ZNF738: variants seen among roughly 807,000 people sequenced by gnomAD.
ZNF738 encodes the protein zinc finger protein 738.
Under a neutral mutation model 9.2 loss-of-function variants are expected in ZNF738, and 10 were observed. That is an observed-to-expected ratio of 1.09 (90% CI 0.67 to 1.85). ZNF738 has a LOEUF of 1.85. ZNF738 is among the 40% of genes most tolerant of loss of function. ZNF738 has a pLI of 0.00. For missense variants in ZNF738, 346 were observed against 283.6 expected (o/e 1.22, Z -1.58); for synonymous variants, 113 against 94.5 (o/e 1.20, Z -1.14).
At chr19:21,362,194 A>G (rs1455069052) in intron 2 of ZNF738, among the ~76,000 whole-genome samples, 4 of 152,072 alleles carry the variant, frequency 2.6e-5, no homozygotes, top group Non-Finnish European at 4.4e-5. Flanking sequence ...TTGTCAGCCA[A>G]TCAGATGCTG....
chr19:21,377,518 A>G (rs1973945635), intron 4 of ZNF738: 1 of 569,794 alleles, frequency 1.8e-6, no homozygotes, highest in Non-Finnish European at 3.1e-6. Context: ...ACGTGCACAC[A>G]CACACACACA....
intron 2 of ZNF738, among the ~76,000 whole-genome samples, chr19:21,362,812 A>G (rs1973718185): frequency 6.6e-6 from 1 of 152,194 alleles, no homozygotes; most frequent in African/African-American, 2.4e-5. Flanking sequence ...GGGTGATTTC[A>G]AACAGAATTT....
At chr19:21,368,732 A>G (rs1427518562) in intron 2 of ZNF738, among the ~76,000 whole-genome samples, 2 of 152,038 alleles carry the variant, frequency 1.3e-5, no homozygotes, top group African/African-American at 4.8e-5. Context: ...CTGGGATTAC[A>G]GACAGAAGCC....
chr19:21,365,622 A>G (rs1568366859), intron 2 of ZNF738, among the ~76,000 whole-genome samples: 1 of 152,042 alleles, frequency 6.6e-6, no homozygotes, highest in Non-Finnish European at 1.5e-5. Flanking sequence ...GTTGAGTTTC[A>G]AAAAAGGGGT....
In ZNF738 at chr19:21,383,346, A is replaced by T; in HGVS notation, c.800A>T (p.Lys267Ile). 1 of 1,310,882 alleles carries T rather than the reference A, an allele frequency of 7.6e-7. No individual in the cohort carries two copies. Among genetic ancestry groups the T allele is most frequent in the South Asian group, 1.3e-5 (1 of 79,084 alleles). 81.2% of individuals were successfully genotyped at this position (1,310,882 alleles called of 1,614,324 possible). Residue 267 changes from lysine (K) to isoleucine (I), a missense_variant, in exon 5 of 5, where the codon AAA becomes ATA. Physicochemically the swap from Lys to Ile is moderately radical, Grantham distance 102. Transcript: ENST00000683779. ...DKSYKHEECG[K>I]GFNHSTTLTR... ...TCCTACAAACATGAAGAATGTGGAAAAGGTTTTAACCACTCCACAACTCTT... is the reference window on the plus strand; with the variant it reads ...TCCTACAAACATGAAGAATGTGGAATAGGTTTTAACCACTCCACAACTCTT...
At chr19:21,370,702 T>A (rs1207391924) in intron 2 of ZNF738, among the ~76,000 whole-genome samples, 1 of 152,190 alleles carries the variant, frequency 6.6e-6, no homozygotes, top group Admixed American at 6.5e-5. Flanking sequence ...GTTTTTTTCT[T>A]TTAGGTAGAC....
intron 1 of ZNF738, 58 bp downstream of exon 1, chr19:21,359,201 G>C: frequency 1.9e-6 from 2 of 1,034,690 alleles, no homozygotes; most frequent in South Asian, 2.5e-5. Context: ...GAACCGGTGG[G>C]AAGTGGCTGT....
chr19:21,374,866 C>T (rs1973904917), intron 2 of ZNF738, among the ~76,000 whole-genome samples: 2 of 151,918 alleles, frequency 1.3e-5, no homozygotes, highest in East Asian at 1.9e-4. Flanking sequence ...GTGTATTGTA[C>T]ACATTAAAAC....
chr19:21,387,247 G>C lies in ZNF738; in HGVS notation c.*3573G>C, dbSNP rs1428303693. On this transcript the variant is annotated 3_prime_UTR_variant, in exon 5 of 5. Coordinates refer to ENST00000683779, the MANE Select transcript of ZNF738 (RefSeq NM_001355237.2). ...CTTGTCCCCCAGGCTGGTGTGCAAT[G>C]GCATGATGTCGGCTCACTGCAAACT... 6.6e-6 allele frequency: 1 copy of C among 152,054 alleles called. No homozygotes were observed. Among genetic ancestry groups the C allele is most frequent in the Non-Finnish European group, 1.5e-5 (1 of 68,052 alleles). 9.4% of individuals were successfully genotyped at this position (152,054 alleles called of 1,614,324 possible). A position where few individuals can be genotyped will look rare whatever the true frequency, so the allele number is the denominator to read the frequency against.
At position 21,383,715 on chromosome 19, in the gene ZNF738, A is replaced by G; in HGVS notation, c.*41A>G. On this transcript the variant is annotated 3_prime_UTR_variant, in exon 5 of 5. Transcript: ENST00000683779. Reference sequence around the variant, plus strand: ...AATGTATTCGCAACCCTTACTAGACATAAGATAATTCATACTGAAGAGAAA... The same window carrying G: ...AATGTATTCGCAACCCTTACTAGACGTAAGATAATTCATACTGAAGAGAAA... The G allele has an allele frequency of 1.9e-6, 2 of 1,041,760 alleles. No individual in the cohort carries two copies. The highest frequency in any genetic ancestry group is 1.5e-5 in the African/African-American group (1 of 64,630). 64.5% of individuals were successfully genotyped at this position (1,041,760 alleles called of 1,614,324 possible).
chr19:21,380,816 C>T (rs1382127717), intron 4 of ZNF738, among the ~76,000 whole-genome samples: 4 of 152,192 alleles, frequency 2.6e-5, no homozygotes, highest in Admixed American at 6.5e-5. Flanking sequence ...GCAGTCAGGA[C>T]GTCCTGTCTC....
chr19:21,377,182 C>G (rs1489188340), intron 4 of ZNF738, among the ~76,000 whole-genome samples: 1 of 151,986 alleles, frequency 6.6e-6, no homozygotes, highest in Non-Finnish European at 1.5e-5. Flanking sequence ...CAGCACGTGC[C>G]TGTAGTCCTA....
chr19:21,385,480 A>T lies in ZNF738; in HGVS notation c.*1806A>T, dbSNP rs184428301. Among the ~76,000 whole-genome samples the T allele has an allele frequency of 0.015, 2,327 of 151,896 alleles. 32 individuals carry two copies. Among genetic ancestry groups the T allele is most frequent in the African/African-American group, 0.037 (1,551 of 41,510 alleles). On this transcript the variant is annotated 3_prime_UTR_variant, in exon 5 of 5. Transcript: ENST00000683779. ...CCAAAAAAATAAATAAATAAATAAA[A>T]AAAATAAGAGAGTTCATACTAGAGA...
rs769275723 is a variant in ZNF738 at position 21,388,162 on chromosome 19, A to G, written c.*4488A>G. On this transcript the variant is annotated 3_prime_UTR_variant, in exon 5 of 5. Transcript: ENST00000683779. ...AAAAGTATTTGTATATAAATTTAAG[A>G]GGAGTAAAAGATTTTTTGCAGAGTA... is the stretch of plus-strand genomic sequence containing the variant. 7.2e-5 allele frequency among the ~76,000 whole-genome samples: 11 copies of G among 152,202 alleles called. No individual in the cohort carries two copies. Among genetic ancestry groups the G allele is most frequent in the Non-Finnish European group, 1.6e-4 (11 of 68,030 alleles).
chr19:21,362,964 C>G (rs1973719430), intron 2 of ZNF738, among the ~76,000 whole-genome samples: 1 of 152,082 alleles, frequency 6.6e-6, no homozygotes, highest in African/African-American at 2.4e-5. Flanking sequence ...AACATCAGTT[C>G]CTTTTTTTGG....
intron 4 of ZNF738, chr19:21,378,213 C>T: frequency 2.8e-6 from 1 of 352,820 alleles, no homozygotes; most frequent in Non-Finnish European, 5.0e-6. Context: ...ATGCCTTTAT[C>T]TTTCAAATTT....
intron 2 of ZNF738, among the ~76,000 whole-genome samples, chr19:21,368,990 A>C (rs1219780230): frequency 6.6e-6 from 1 of 152,176 alleles, no homozygotes; most frequent in Non-Finnish European, 1.5e-5. Context: ...CATCTGCGTC[A>C]GCCTCCCAAA....
rs1404095179 is a variant in ZNF738 at position 21,387,504 on chromosome 19, T to C, written c.*3830T>C. Reference sequence around the variant, plus strand: ...CACTCCCTGCCTTACTTGATTACATTCAATATAATTCATACTGGAAAGAAA... The same window carrying C: ...CACTCCCTGCCTTACTTGATTACATCCAATATAATTCATACTGGAAAGAAA... On this transcript the variant is annotated 3_prime_UTR_variant, in exon 5 of 5. Transcript: ENST00000683779. Among the ~76,000 whole-genome samples the C allele has an allele frequency of 2.6e-5, 4 of 152,148 alleles. No individual in the cohort carries two copies. The highest frequency in any genetic ancestry group is 9.7e-5 in the African/African-American group (4 of 41,438).
intron 4 of ZNF738, chr19:21,379,433 G>T (rs1208816668): frequency 2.6e-5 from 4 of 152,104 alleles, no homozygotes; most frequent in Non-Finnish European, 5.9e-5. Flanking sequence ...GAAATTTTGT[G>T]TTTATTTTTT....
Sources: gnomAD v4.1 joint callset for allele counts (sites outside exome capture counted in the v4.1 genomes callset) on GRCh38, gnomAD v4.1.1 for gene constraint, MANE v1.5 for transcripts, NCBI Gene and HGNC (gene_info 2026-07-23, HGNC 2026-07-21) for gene names.